The following DGKG variants were observed in gnomAD, a reference collection of about 807,000 sequenced individuals.
DGKG encodes DAG kinase gamma.
In DGKG, 78 loss-of-function variants were observed where a neutral mutation model predicts 105.3. The ratio of observed to expected loss-of-function variants is 0.74; its 90% CI spans 0.62 to 0.89. The LOEUF (loss-of-function observed/expected upper bound fraction) is 0.89, where lower values mean the gene tolerates loss of function less well. Among genes scored for constraint, DGKG ranks in the 40% least tolerant of loss-of-function variants. The pLI is 0.00. For missense variants in DGKG, 958 were observed against 1,020.1 expected, an observed-to-expected ratio of 0.94 and a Z score of 0.83; for synonymous variants, 346 against 367.1, an observed-to-expected ratio of 0.94 and a Z score of 0.66.
chr3:186,301,684 G>T (rs1467758282), intron 3 of DGKG, among the ~76,000 whole-genome samples: 1 of 152,186 alleles, frequency 6.6e-6, no homozygotes. Context: ...GAGATTAACT[G>T]AGGTACTACT....
At chr3:186,173,199 T>A (rs541177827) in intron 22 of DGKG, among the ~76,000 whole-genome samples, 2 of 152,350 alleles carry the variant, frequency 1.3e-5, no homozygotes, top group African/African-American at 4.8e-5. Flanking sequence ...ACAGTCACAG[T>A]CTGAGGTGCT....
chr3:186,160,645 C>T, intron 24 of DGKG: 3 of 985,398 alleles, frequency 3.0e-6, no homozygotes, highest in Non-Finnish European at 3.6e-6. Flanking sequence ...AGCAGGTGAT[C>T]AAAGTATCTG....
At chr3:186,302,510 ATG>A (rs368896453) in intron 3 of DGKG, among the ~76,000 whole-genome samples, 6,445 of 19,722 alleles carry the variant, frequency 0.33, 378 homozygotes, top group Non-Finnish European at 0.38. Flanking sequence ...ATATATACAT[ATG>A]TGTATATATA....
Position 186,149,182 on chromosome 3 carries a change from T to A in DGKG, c.*908A>T, listed in dbSNP as rs947097606. On this transcript the variant is annotated 3_prime_UTR_variant, in exon 25 of 25. Transcript: ENST00000265022. Reference sequence around the variant, plus strand: ...TCAGGAATAGTCTGCCACCAGGGCTTGGAACTCAAACAGGAAACACGCTTT... The same window carrying A: ...TCAGGAATAGTCTGCCACCAGGGCTAGGAACTCAAACAGGAAACACGCTTT... 8 of 984,570 alleles carry A rather than the reference T, an allele frequency of 8.1e-6. No homozygotes were observed. In the African/African-American group the frequency reaches 1.4e-4, roughly 17 times the overall value. 61.0% of individuals were successfully genotyped at this position (984,570 alleles called of 1,614,324 possible). A position where few individuals can be genotyped will look rare whatever the true frequency, so the allele number is the denominator to read the frequency against.
At chr3:186,308,546 G>A (rs761800135) in intron 2 of DGKG, among the ~76,000 whole-genome samples, 51 of 152,102 alleles carry the variant, frequency 3.4e-4, no homozygotes, top group Non-Finnish European at 7.4e-5. Context: ...CATATTCGTG[G>A]GCTGGGCTGT....
intron 1 of DGKG, among the ~76,000 whole-genome samples, chr3:186,343,398 C>T (rs1726178092): frequency 6.6e-6 from 1 of 152,102 alleles, no homozygotes; most frequent in African/African-American, 2.4e-5. Flanking sequence ...TGAAGTGATC[C>T]TCCCACCTCA....
chr3:186,233,921 T>C (rs9831412), intron 20 of DGKG, among the ~76,000 whole-genome samples: 6,991 of 152,264 alleles, frequency 0.046, 478 homozygotes, highest in African/African-American at 0.15. Context: ...TCACACATAG[T>C]GGTTAATGAG....
At position 186,147,284 on chromosome 3, in the gene DGKG, AATAAG is replaced by A. The variant is rs1369220548; in HGVS notation, c.*2801_*2805del. ...ATGTTTGTAGCATGGCCAGAATCAGAATAAGATAAGAAATAAGGGATTAGGTTCTC... is the reference window on the plus strand; with the variant it reads ...ATGTTTGTAGCATGGCCAGAATCAGAATAAGAAATAAGGGATTAGGTTCTC... On this transcript the variant is annotated 3_prime_UTR_variant, in exon 25 of 25. Coordinates refer to ENST00000265022, the MANE Select transcript of DGKG (RefSeq NM_001346.3). 38 of 985,772 alleles carry A rather than the reference AATAAG, an allele frequency of 3.9e-5. No individual in the cohort carries two copies. The highest frequency in any genetic ancestry group is 6.1e-5 in the Admixed American group (1 of 16,272). The allele number at this position is 985,772 out of a possible 1,614,324, so 61.1% of individuals were successfully genotyped here.
At chr3:186,315,800 G>A (rs1226580945) in intron 2 of DGKG, among the ~76,000 whole-genome samples, 1 of 152,182 alleles carries the variant, frequency 6.6e-6, no homozygotes, top group Non-Finnish European at 1.5e-5. Flanking sequence ...CCCTCCCTAT[G>A]TGAGTCCCTC....
At chr3:186,332,165 C>T (rs986643089) in intron 1 of DGKG, among the ~76,000 whole-genome samples, 9 of 152,182 alleles carry the variant, frequency 5.9e-5, no homozygotes, top group African/African-American at 1.9e-4. Context: ...GAATAAAAAC[C>T]ATGGCCTGTT....
Position 186,301,155 on chromosome 3 carries a change from A to G in DGKG, c.145-2926T>C, listed in dbSNP as rs140902605. ...TTCTATGTCCATTGTCCCTGCTGCC[A>G]TCACCAAAATTCCTGGATTCTGACT... is the stretch of plus-strand genomic sequence containing the variant. On this transcript the variant is annotated intron_variant, in intron 3 of 24. Transcript: ENST00000265022. 3.5e-3 allele frequency among the ~76,000 whole-genome samples: 536 copies of G among 152,272 alleles called. 8 individuals are homozygous for G. Among genetic ancestry groups the G allele is most frequent in the East Asian group, 0.018 (91 of 5,182 alleles).
intron 22 of DGKG, among the ~76,000 whole-genome samples, chr3:186,181,268 G>A (rs1323421296): frequency 6.6e-6 from 1 of 152,218 alleles, no homozygotes; most frequent in Non-Finnish European, 1.5e-5. Context: ...CGTGGTGGGG[G>A]CTTTGTAAGT....
At chr3:186,162,124 G>A (rs1272524801) in intron 23 of DGKG, among the ~76,000 whole-genome samples, 2 of 152,178 alleles carry the variant, frequency 1.3e-5, no homozygotes, top group Admixed American at 6.5e-5. Flanking sequence ...TCAAACTCCC[G>A]ACCTCAGGTG....
At chr3:186,288,377 A>G (rs1235628700) in intron 6 of DGKG, among the ~76,000 whole-genome samples, 2 of 152,228 alleles carry the variant, frequency 1.3e-5, no homozygotes, top group Non-Finnish European at 1.5e-5. Flanking sequence ...AGGAGGTAGC[A>G]GTTTTCTGAG....
chr3:186,352,309 T>A (rs1225729692), intron 1 of DGKG, among the ~76,000 whole-genome samples: 1 of 152,136 alleles, frequency 6.6e-6, no homozygotes, highest in Non-Finnish European at 1.5e-5. Flanking sequence ...CTCAATGCTG[T>A]GAGATGTTTC....
chr3:186,300,174 G>A (rs1287519512), intron 3 of DGKG, among the ~76,000 whole-genome samples: 1 of 151,966 alleles, frequency 6.6e-6, no homozygotes, highest in African/African-American at 2.4e-5. Context: ...CTTGATCCTT[G>A]ATTCCATCCT....
intron 1 of DGKG, among the ~76,000 whole-genome samples, chr3:186,331,463 CAA>C (rs1367146664): frequency 6.6e-6 from 1 of 152,136 alleles, no homozygotes; most frequent in African/African-American, 2.4e-5. Context: ...AACATAAACA[CAA>C]AAGTCTTGGG....
chr3:186,163,335 T>G (rs1284382088), intron 23 of DGKG, among the ~76,000 whole-genome samples: 2 of 152,134 alleles, frequency 1.3e-5, no homozygotes, highest in African/African-American at 2.4e-5. Flanking sequence ...AGATGAAGTC[T>G]TCTGACTTCC....
At chr3:186,312,807 CA>C (rs1202661477) in intron 2 of DGKG, among the ~76,000 whole-genome samples, 2 of 152,200 alleles carry the variant, frequency 1.3e-5, no homozygotes, top group Non-Finnish European at 2.9e-5. Context: ...AGCACTGCAT[CA>C]AAAGGCCCAC....
Sources: gnomAD v4.1 joint callset for allele counts (sites outside exome capture counted in the v4.1 genomes callset) on GRCh38, gnomAD v4.1.1 for gene constraint, MANE v1.5 for transcripts, NCBI Gene and HGNC (gene_info 2026-07-23, HGNC 2026-07-21) for gene names.